Variants in UNC79 observed in about 807,000 individuals in gnomAD.
UNC79 encodes protein unc-79 homolog.
A neutral mutation model predicts 283.1 loss-of-function variants in UNC79; 37 were observed. The ratio of observed to expected loss-of-function variants is 0.13; its 90% CI spans 0.10 to 0.17. UNC79 has a LOEUF of 0.17. UNC79 is among the 10% of genes least tolerant of loss of function. UNC79 has a pLI of 1.00. For missense variants in UNC79, 2,272 were observed against 3,211.1 expected (o/e 0.71, Z 7.07); for synonymous variants, 1,107 against 1,200.2 (o/e 0.92, Z 1.61).
intron 8 of UNC79, among the ~76,000 whole-genome samples, 182 bp downstream of exon 8, chr14:93,524,224 G>A (rs745404529): frequency 1.3e-4 from 20 of 152,166 alleles, no homozygotes; most frequent in Non-Finnish European, 2.1e-4. Context: ...AATGAATAGC[G>A]TTGTCTGCAG....
At chr14:93,440,589 C>T (rs2056264657) in intron 1 of UNC79, among the ~76,000 whole-genome samples, 1 of 149,002 alleles carries the variant, frequency 6.7e-6, no homozygotes, top group Admixed American at 6.7e-5. Flanking sequence ...TTTTCTTTGA[C>T]ACTTCCTTTA....
At chr14:93,607,927 G>C (rs2066000827) in intron 26 of UNC79, among the ~76,000 whole-genome samples, 1 of 152,154 alleles carries the variant, frequency 6.6e-6, no homozygotes, top group South Asian at 2.1e-4. Flanking sequence ...AATGCCTATT[G>C]ACCATTAAGA....
At chr14:93,502,806 G>A (rs2059360252) in intron 7 of UNC79, among the ~76,000 whole-genome samples, 1 of 152,200 alleles carries the variant, frequency 6.6e-6, no homozygotes, top group African/African-American at 2.4e-5. Context: ...AGCAGATAGA[G>A]AATAACTCAA....
At chr14:93,678,028 T>C (rs1030335970) in intron 41 of UNC79, among the ~76,000 whole-genome samples, 1 of 152,138 alleles carries the variant, frequency 6.6e-6, no homozygotes, top group African/African-American at 2.4e-5. Flanking sequence ...CTCTGTAGAA[T>C]AGTGGAAATG....
At chr14:93,593,548 T>G (rs1306281747) in intron 22 of UNC79, 132 bp from the exon 23 acceptor site, 2 of 987,076 alleles carry the variant, frequency 2.0e-6, no homozygotes, top group Admixed American at 5.1e-5. Flanking sequence ...CTCTCGTGGA[T>G]GAGTGTCATT....
At chr14:93,386,295 C>T (rs767874975) in intron 1 of UNC79, among the ~76,000 whole-genome samples, 25 of 152,104 alleles carry the variant, frequency 1.6e-4, no homozygotes, top group Non-Finnish European at 3.1e-4. Flanking sequence ...ATATGCTGAA[C>T]CATGGTTGCA....
At chr14:93,691,511 T>G in intron 45 of UNC79, 1 of 578,734 alleles carries the variant, frequency 1.7e-6, no homozygotes, top group Non-Finnish European at 3.1e-6. Context: ...TTCAGCAAAT[T>G]AAGGTGCCTT....
intron 8 of UNC79, among the ~76,000 whole-genome samples, chr14:93,527,610 TAA>T (rs1353089882): frequency 6.6e-6 from 1 of 152,176 alleles, no homozygotes; most frequent in African/African-American, 2.4e-5. Context: ...GTTTGGGTTA[TAA>T]GTTTAGGTGA....
chr14:93,431,540 A>C (rs111615527), intron 1 of UNC79, among the ~76,000 whole-genome samples: 1 of 152,032 alleles, frequency 6.6e-6, no homozygotes, highest in East Asian at 1.9e-4. Context: ...TGGAAGAGGC[A>C]AGAAGGGAGA....
chr14:93,497,297 A>G lies in UNC79; in HGVS notation c.898+11A>G. 1 of 1,608,726 alleles carries G rather than the reference A, an allele frequency of 6.2e-7. No individual in the cohort carries two copies. Among genetic ancestry groups the G allele is most frequent in the Non-Finnish European group, 8.5e-7 (1 of 1,179,250 alleles). On this transcript the variant is annotated intron_variant, in intron 7 of 48. Coordinates refer to ENST00000555664, the Ensembl canonical transcript of UNC79. ...GGTTGCAGTACACAGGTAAGAGGAG[A>G]GGAGCCCTGTGATGCCCCATCTGTA...
intron 13 of UNC79, among the ~76,000 whole-genome samples, chr14:93,542,160 A>G (rs1048867183): frequency 3.3e-5 from 5 of 152,162 alleles, no homozygotes; most frequent in African/African-American, 1.2e-4. Flanking sequence ...TATTGATGAA[A>G]TATCATTTTG....
chr14:93,675,564 C>CAG (rs1217132704), intron 41 of UNC79, among the ~76,000 whole-genome samples: 7 of 152,206 alleles, frequency 4.6e-5, no homozygotes, highest in African/African-American at 1.7e-4. Flanking sequence ...GAAGGATGCA[C>CAG]AGAAGTTCAG....
In UNC79 at chr14:93,499,871, G is replaced by T. The variant is rs73345845; in HGVS notation, c.898+2585G>T. Reference sequence around the variant, plus strand: ...TATATACACACTAGATGTCAGAAACGGGTGAGGCATGAGTGAATAAAGTGT... The same window carrying T: ...TATATACACACTAGATGTCAGAAACTGGTGAGGCATGAGTGAATAAAGTGT... On this transcript the variant is annotated intron_variant, in intron 7 of 48. Coordinates refer to ENST00000555664, the Ensembl canonical transcript of UNC79. 5.2e-3 allele frequency among the ~76,000 whole-genome samples: 795 copies of T among 152,140 alleles called. 4 individuals are homozygous for T. Among genetic ancestry groups the T allele is most frequent in the African/African-American group, 0.016 (673 of 41,502 alleles).
intron 27 of UNC79, among the ~76,000 whole-genome samples, chr14:93,616,120 G>A (rs1339302271): frequency 6.6e-6 from 1 of 152,024 alleles, no homozygotes; most frequent in Non-Finnish European, 1.5e-5. Flanking sequence ...TTTATATCAT[G>A]TAAATAAATT....
In UNC79 at chr14:93,486,656, G is replaced by GAAAAAAAAA. The variant is rs374088349; in HGVS notation, c.620-1007_620-1006insAAAAAAAAA. 1.4e-3 allele frequency among the ~76,000 whole-genome samples: 112 copies of GAAAAAAAAA among 77,778 alleles called. 20 individuals carry two copies. The highest frequency in any genetic ancestry group is 3.0e-3 in the East Asian group (5 of 1,690). 51.0% of individuals were successfully genotyped at this position (77,778 alleles called of 152,430 possible). On this transcript the variant is annotated intron_variant, in intron 4 of 48. Transcript: ENST00000555664. The stretch of plus-strand genomic sequence containing the variant: ...GCAACAAGAGTGAGACTCTGTCTAA[G>GAAAAAAAAA]GAAAAAAAAAAAAAAAAAAAAAGAA...
At chr14:93,574,276 A>AGTG (rs1461828777) in intron 16 of UNC79, among the ~76,000 whole-genome samples, 1 of 151,830 alleles carries the variant, frequency 6.6e-6, no homozygotes, top group Non-Finnish European at 1.5e-5. Flanking sequence ...TATAAGACAG[A>AGTG]GTGCTGCAGC....
At chr14:93,633,717 T>C (rs2068243342) in intron 31 of UNC79, among the ~76,000 whole-genome samples, 1 of 152,206 alleles carries the variant, frequency 6.6e-6, no homozygotes, top group Non-Finnish European at 1.5e-5. Context: ...CTCAGCAATC[T>C]ACTGGCAAAA....
intron 14 of UNC79, among the ~76,000 whole-genome samples, chr14:93,568,440 G>C (rs766995360): frequency 6.6e-6 from 1 of 152,022 alleles, no homozygotes; most frequent in African/African-American, 2.4e-5. Context: ...TTGGGAGGCC[G>C]AGGAGCATGG....
At chr14:93,670,736 G>C (rs75655970) in intron 40 of UNC79, among the ~76,000 whole-genome samples, 3,595 of 152,248 alleles carry the variant, frequency 0.024, 116 homozygotes, top group African/African-American at 0.073. Flanking sequence ...AAAGGTTGAG[G>C]GGTGGGGCTG....
Sources: gnomAD v4.1 joint callset for allele counts (sites outside exome capture counted in the v4.1 genomes callset) on GRCh38, gnomAD v4.1.1 for gene constraint, MANE v1.5 for transcripts, NCBI Gene and HGNC (gene_info 2026-07-23, HGNC 2026-07-21) for gene names.